Variants in MTMR8 observed in about 807,000 individuals in gnomAD.
MTMR8 encodes phosphatidylinositol-3,5-bisphosphate 3-phosphatase MTMR8.
MTMR8 carries 65 observed loss-of-function variants against 39.3 expected under a neutral mutation model. That is an observed-to-expected ratio of 1.65 (90% CI 1.35 to 2.03). The LOEUF (loss-of-function observed/expected upper bound fraction) is 2.03. Ranked by LOEUF, MTMR8 falls within the 30% of genes most tolerant of loss-of-function variation. The pLI, the probability that MTMR8 is intolerant of heterozygous loss-of-function variation, is 0.00. For synonymous variants in MTMR8, 245 were observed against 185.2 expected (o/e 1.32, Z -2.62); for missense variants, 777 against 538.9 (o/e 1.44, Z -4.37).
At chrX:64,364,471 G>T (rs1028777057) in intron 1 of MTMR8, among the ~76,000 whole-genome samples, 1 of 111,847 alleles carries the variant, frequency 8.9e-6, no homozygotes, top group African/African-American at 3.3e-5. Flanking sequence ...AGGCAAACAG[G>T]GTCTGGAGTG....
At chrX:64,312,908 A>G (rs893202488) in intron 12 of MTMR8, among the ~76,000 whole-genome samples, 1 of 112,605 alleles carries the variant, frequency 8.9e-6, no homozygotes, top group Non-Finnish European at 1.9e-5. Context: ...GCACCTCAAC[A>G]GTGACCTTAA....
chrX:64,369,113 C>CA (rs1199035908), intron 1 of MTMR8, among the ~76,000 whole-genome samples: 1 of 111,688 alleles, frequency 9.0e-6, no homozygotes, highest in African/African-American at 3.3e-5. Context: ...GTCAGGAAAC[C>CA]ACAGATGCTG....
intron 1 of MTMR8, among the ~76,000 whole-genome samples, chrX:64,381,795 G>A (rs1223155372): frequency 4.5e-5 from 5 of 111,418 alleles, no homozygotes; most frequent in African/African-American, 9.8e-5. Flanking sequence ...GTGTAAGGAA[G>A]GGATCCAGTT....
intron 1 of MTMR8, among the ~76,000 whole-genome samples, chrX:64,367,378 G>A (rs1021256574): frequency 1.7e-4 from 19 of 111,863 alleles, no homozygotes; most frequent in Admixed American, 1.1e-3. Context: ...CTGGCAAACC[G>A]TATTCAGCAG....
intron 10 of MTMR8, 110 bp downstream of exon 10, chrX:64,335,969 C>A (rs1382736833): frequency 3.9e-6 from 2 of 511,985 alleles, no homozygotes; most frequent in African/African-American, 2.4e-5. Flanking sequence ...GAGATTTATG[C>A]CATGTTCAAC....
intron 3 of MTMR8, among the ~76,000 whole-genome samples, chrX:64,355,950 G>A (rs925867860): frequency 9.0e-6 from 1 of 110,700 alleles, no homozygotes; most frequent in African/African-American, 3.3e-5. Context: ...ATACATGAAG[G>A]TATTCAAGGC....
intron 1 of MTMR8, among the ~76,000 whole-genome samples, chrX:64,390,894 G>A (rs1158628768): frequency 8.9e-6 from 1 of 111,781 alleles, no homozygotes; most frequent in African/African-American, 3.3e-5. Flanking sequence ...CTGGGCTCAA[G>A]TGATCCTCCC....
chrX:64,329,457 T>G (rs898290920), intron 11 of MTMR8, among the ~76,000 whole-genome samples: 1 of 111,419 alleles, frequency 9.0e-6, no homozygotes, highest in Non-Finnish European at 1.9e-5. Context: ...TACTAGAAAA[T>G]GTCATGAGTT....
At chrX:64,326,751 A>G (rs913430934) in intron 12 of MTMR8, among the ~76,000 whole-genome samples, 2 of 107,933 alleles carry the variant, frequency 1.9e-5, no homozygotes, top group Non-Finnish European at 3.9e-5. Flanking sequence ...ACTTGTGGGG[A>G]AAAAAAAAAG....
chrX:64,349,149 AGCTTGCGGAG>A (rs1055416074), intron 5 of MTMR8, among the ~76,000 whole-genome samples: 6 of 111,775 alleles, frequency 5.4e-5, no homozygotes, highest in Non-Finnish European at 9.4e-5. Context: ...ATAAACCATA[AGCTTGCGGAG>A]GCAGCAGAAT....
At chrX:64,352,746 C>A (rs1204964219) in intron 4 of MTMR8, among the ~76,000 whole-genome samples, 2 of 111,591 alleles carry the variant, frequency 1.8e-5, no homozygotes, top group South Asian at 3.7e-4. Flanking sequence ...ACCTAAATAT[C>A]TTTTAAAACC....
At chrX:64,303,115 C>A (rs932283740) in intron 12 of MTMR8, among the ~76,000 whole-genome samples, 3 of 112,429 alleles carry the variant, frequency 2.7e-5, no homozygotes, top group Non-Finnish European at 3.8e-5. Flanking sequence ...ACCAGGAAGG[C>A]AGGAAAAATT....
chrX:64,366,564 C>G (rs1309373000), intron 1 of MTMR8, among the ~76,000 whole-genome samples: 1 of 111,791 alleles, frequency 8.9e-6, no homozygotes, highest in Non-Finnish European at 1.9e-5. Context: ...CCAATGAGAA[C>G]AAACACACAA....
intron 1 of MTMR8, among the ~76,000 whole-genome samples, chrX:64,372,072 G>A (rs1008811183): frequency 1.3e-4 from 14 of 108,020 alleles, no homozygotes; most frequent in African/African-American, 4.4e-4. Context: ...GAATGAAAAC[G>A]GTAGCCTAAA....
chrX:64,280,650 C>T lies in MTMR8; in HGVS notation c.1482-9577G>A, dbSNP rs1337079459. 2.7e-5 allele frequency among the ~76,000 whole-genome samples: 3 copies of T among 111,282 alleles called. No individual in the cohort carries two copies. In the East Asian group the frequency reaches 8.5e-4, roughly 31 times the overall value. On this transcript the variant is annotated intron_variant, in intron 12 of 13. Transcript: ENST00000374852. ...TGAATATAGGCACAAGACAAGGATG[C>T]CCTCTCTCACTACTCCTGTTCAACA... is the stretch of plus-strand genomic sequence containing the variant.
chrX:64,290,363 T>A (rs1921353123), intron 12 of MTMR8, among the ~76,000 whole-genome samples: 1 of 110,997 alleles, frequency 9.0e-6, no homozygotes, highest in African/African-American at 3.3e-5. Flanking sequence ...CACATGCTGT[T>A]TAGTTTTTTA....
At chrX:64,372,599 C>T (rs1456978946) in intron 1 of MTMR8, among the ~76,000 whole-genome samples, 1 of 111,639 alleles carries the variant, frequency 9.0e-6, no homozygotes, top group Non-Finnish European at 1.9e-5. Flanking sequence ...TGAGATTGGC[C>T]TTATTCACCC....
chrX:64,276,265 G>C (rs138950559), intron 12 of MTMR8, among the ~76,000 whole-genome samples: 279 of 110,607 alleles, frequency 2.5e-3, no homozygotes, highest in Middle Eastern at 9.4e-3. Flanking sequence ...CTAGATGTTA[G>C]GGTGTTGATC....
intron 1 of MTMR8, among the ~76,000 whole-genome samples, chrX:64,376,946 C>T (rs1236455849): frequency 8.9e-6 from 1 of 112,004 alleles, no homozygotes; most frequent in Non-Finnish European, 1.9e-5. Flanking sequence ...GTCCCAGCCA[C>T]TCCAGCTCCA....
Sources: allele counts gnomAD v4.1 joint callset (sites outside exome capture counted in the v4.1 genomes callset), GRCh38; gene constraint gnomAD v4.1.1; transcripts MANE v1.5; gene names NCBI Gene and HGNC (gene_info 2026-07-23, HGNC 2026-07-21).